The following NTM variants were observed in gnomAD, a reference collection of about 807,000 sequenced individuals.
The protein encoded by NTM is IgLON family member 2.
Under a neutral mutation model 42.1 loss-of-function variants are expected in NTM, and 13 were observed. The ratio of observed to expected loss-of-function variants is 0.31; its 90% CI spans 0.20 to 0.49. The LOEUF is 0.49. Ranked by LOEUF, NTM falls within the 20% of genes least tolerant of loss-of-function variation. The probability of loss-of-function intolerance (pLI) is 0.99; values close to 1 mark genes in which losing one functional copy is unlikely to be tolerated. For missense variants in NTM, 373 were observed against 452.8 expected, an observed-to-expected ratio of 0.82 and a Z score of 1.60; for synonymous variants, 187 against 179.2, an observed-to-expected ratio of 1.04 and a Z score of -0.35.
At chr11:131,755,827 G>T (rs979901921) in intron 1 of NTM, among the ~76,000 whole-genome samples, 3 of 152,194 alleles carry the variant, frequency 2.0e-5, no homozygotes, top group African/African-American at 7.2e-5. Context: ...TCATTCTGAA[G>T]CTTTGGCCAA....
rs543801732 is a variant in NTM at position 131,547,039 on chromosome 11, G to C, written c.82+176151G>C. ...CCTCTTCCAAGAAGCCCTCTGTGGT[G>C]ACCAGAGCAAGGTCAGAGACAGAAC... On this transcript the variant is annotated intron_variant, in intron 1 of 8. Transcript: ENST00000683400. Among the ~76,000 whole-genome samples, 3 of 152,204 alleles carry C rather than the reference G, an allele frequency of 2.0e-5. No individual in the cohort carries two copies. In the East Asian group the frequency reaches 5.8e-4, roughly 29 times the overall value.
chr11:132,213,105 T>C (rs760592465), intron 4 of NTM, among the ~76,000 whole-genome samples: 19 of 152,186 alleles, frequency 1.2e-4, no homozygotes, highest in Non-Finnish European at 2.4e-4. Context: ...TGGTCCTTAA[T>C]TGTGTTGCTT....
At chr11:131,777,973 A>G (rs928624329) in intron 1 of NTM, among the ~76,000 whole-genome samples, 1 of 152,218 alleles carries the variant, frequency 6.6e-6, no homozygotes, top group Non-Finnish European at 1.5e-5. Context: ...TCATTGGTGG[A>G]TTTCAGGGAA....
At chr11:132,227,407 A>G (rs2086540679) in intron 4 of NTM, among the ~76,000 whole-genome samples, 1 of 152,212 alleles carries the variant, frequency 6.6e-6, no homozygotes, top group African/African-American at 2.4e-5. Context: ...AAGTTGAGAT[A>G]GTAATTAATT....
intron 2 of NTM, among the ~76,000 whole-genome samples, chr11:132,135,655 T>C (rs2137150319): frequency 6.6e-6 from 1 of 152,284 alleles, no homozygotes; most frequent in East Asian, 1.9e-4. Context: ...CCCTAGGCAC[T>C]TGTGGCTGTC....
chr11:131,654,632 G>T (rs371609306), intron 1 of NTM, among the ~76,000 whole-genome samples: 1 of 152,148 alleles, frequency 6.6e-6, no homozygotes, highest in Non-Finnish European at 1.5e-5. Flanking sequence ...CGGATTCTTC[G>T]TGAGTGGCTT....
chr11:131,844,843 T>C (rs1375358175), intron 1 of NTM, among the ~76,000 whole-genome samples: 2 of 152,214 alleles, frequency 1.3e-5, no homozygotes, highest in Non-Finnish European at 2.9e-5. Context: ...ACTCACATAT[T>C]AATTCTAATT....
Position 132,296,745 on chromosome 11 carries a change from G to C in NTM, c.527-10944G>C, listed in dbSNP as rs540349784. 1.8e-4 allele frequency among the ~76,000 whole-genome samples: 28 copies of C among 152,258 alleles called. No homozygotes were observed. The South Asian group carries it at 5.6e-3, about 30-fold the overall frequency. ...GTGTGCCCAGTGAAAGAGTAAATCG[G>C]CTATTCTTTTCCTTCCCATACACCG... On this transcript the variant is annotated intron_variant, in intron 4 of 8. Transcript: ENST00000683400.
At chr11:131,458,831 G>T (rs539361374) in intron 1 of NTM, among the ~76,000 whole-genome samples, 11 of 152,362 alleles carry the variant, frequency 7.2e-5, no homozygotes, top group Non-Finnish European at 1.5e-4. Context: ...TATTCAAACA[G>T]TTTTCTGGGT....
At chr11:131,972,978 T>A (rs2063774427) in intron 2 of NTM, among the ~76,000 whole-genome samples, 1 of 152,066 alleles carries the variant, frequency 6.6e-6, no homozygotes, top group Admixed American at 6.5e-5. Flanking sequence ...AAACAAATAA[T>A]CAAGCAGACC....
At chr11:131,796,220 G>A (rs1591918236) in intron 1 of NTM, 1 of 961,814 alleles carries the variant, frequency 1.0e-6, no homozygotes, top group Non-Finnish European at 1.2e-6. Context: ...ACTAGAACCT[G>A]TACCTGTGGA....
intron 2 of NTM, among the ~76,000 whole-genome samples, chr11:132,104,937 G>T (rs11222925): frequency 3.2e-5 from 2 of 61,826 alleles, no homozygotes; most frequent in East Asian, 7.8e-4. Flanking sequence ...ATATACATAT[G>T]TATATATATA....
At position 131,563,408 on chromosome 11, in the gene NTM, A is replaced by G. The variant is rs141361600; in HGVS notation, c.82+192520A>G. Reference sequence around the variant, plus strand: ...GCAGCCCCTCTCTGGGGAAGACTGCAAGAAAAATCTTCCTATTTTACCATC... The same window carrying G: ...GCAGCCCCTCTCTGGGGAAGACTGCGAGAAAAATCTTCCTATTTTACCATC... On this transcript the variant is annotated intron_variant, in intron 1 of 8. Transcript: ENST00000683400. Among the ~76,000 whole-genome samples the G allele has an allele frequency of 5.1e-3, 780 of 152,268 alleles. 9 individuals are homozygous for G. Among genetic ancestry groups the G allele is most frequent in the African/African-American group, 0.017 (720 of 41,546 alleles).
intron 1 of NTM, among the ~76,000 whole-genome samples, chr11:131,460,074 G>C (rs554957138): frequency 6.6e-6 from 1 of 152,310 alleles, no homozygotes; most frequent in South Asian, 2.1e-4. Flanking sequence ...TTCCCGAAAA[G>C]TTGAGATATG....
chr11:131,450,909 C>A (rs2034381), intron 1 of NTM, among the ~76,000 whole-genome samples: 38,643 of 151,384 alleles, frequency 0.26, 5,060 homozygotes, highest in East Asian at 0.29. Flanking sequence ...ATAAATAAAC[C>A]TTTTTTTTTC....
chr11:132,134,757 A>ATATCTATATC (rs57940839), intron 2 of NTM, among the ~76,000 whole-genome samples: 14 of 97,272 alleles, frequency 1.4e-4, no homozygotes, highest in African/African-American at 4.0e-4. Flanking sequence ...ATATATATAT[A>ATATCTATATC]TATCTCACAT....
chr11:131,854,248 A>T (rs780830486), intron 1 of NTM, among the ~76,000 whole-genome samples: 9 of 152,246 alleles, frequency 5.9e-5, no homozygotes, highest in Non-Finnish European at 1.0e-4. Flanking sequence ...TGGTCAGATA[A>T]GGTACACAGT....
At chr11:132,006,962 T>C (rs2070931353) in intron 2 of NTM, among the ~76,000 whole-genome samples, 1 of 152,212 alleles carries the variant, frequency 6.6e-6, no homozygotes, top group African/African-American at 2.4e-5. Flanking sequence ...TGTGTCACCC[T>C]GTGGGTGGGC....
intron 4 of NTM, among the ~76,000 whole-genome samples, chr11:132,253,167 T>A (rs1184558920): frequency 1.3e-5 from 2 of 152,180 alleles, no homozygotes; most frequent in Non-Finnish European, 2.9e-5. Context: ...GAGCTTAGGA[T>A]CTGGTAATCT....
Sources: gnomAD v4.1 joint callset for allele counts (sites outside exome capture counted in the v4.1 genomes callset) on GRCh38, gnomAD v4.1.1 for gene constraint, MANE v1.5 for transcripts, NCBI Gene and HGNC (gene_info 2026-07-23, HGNC 2026-07-21) for gene names.